PHAF1: variants seen among roughly 807,000 people sequenced by gnomAD.
The protein encoded by PHAF1 is phagophore assembly factor 1.
Under a neutral mutation model 63.1 loss-of-function variants are expected in PHAF1, and 23 were observed. The observed-to-expected ratio is 0.36, with a 90% CI of 0.26 to 0.52. The LOEUF (loss-of-function observed/expected upper bound fraction) is 0.52, where lower values mean the gene tolerates loss of function less well. Among genes scored for constraint, PHAF1 ranks in the 20% least tolerant of loss-of-function variants. The pLI is 0.93. For synonymous variants in PHAF1, 167 were observed against 185.0 expected (o/e 0.90, Z 0.79); for missense variants, 427 against 517.2 (o/e 0.83, Z 1.69).
At chr16:67,123,406 G>A (rs1232914883) in intron 2 of PHAF1, among the ~76,000 whole-genome samples, 2 of 150,698 alleles carry the variant, frequency 1.3e-5, no homozygotes, top group South Asian at 2.1e-4. Context: ...GTGAAACCCC[G>A]TCTTTACTAA....
At chr16:67,130,882 G>A (rs1328734902) in intron 3 of PHAF1, among the ~76,000 whole-genome samples, 3 of 152,178 alleles carry the variant, frequency 2.0e-5, no homozygotes, top group African/African-American at 7.2e-5. Context: ...CACTAGGAGA[G>A]GGAAGCTAAG....
intron 1 of PHAF1, among the ~76,000 whole-genome samples, chr16:67,119,101 C>G (rs1174678940): frequency 1.3e-5 from 2 of 152,040 alleles, no homozygotes; most frequent in African/African-American, 4.8e-5. Context: ...TAAAATTGTT[C>G]CTTATAAGTC....
At chr16:67,133,565 G>A (rs1207667473) in intron 6 of PHAF1, among the ~76,000 whole-genome samples, 4 of 151,478 alleles carry the variant, frequency 2.6e-5, no homozygotes, top group African/African-American at 9.7e-5. Flanking sequence ...CCAGCACTTT[G>A]GGAGGCCGAG....
At chr16:67,123,566 C>A (rs1206223786) in intron 2 of PHAF1, among the ~76,000 whole-genome samples, 1 of 152,030 alleles carries the variant, frequency 6.6e-6, no homozygotes, top group Non-Finnish European at 1.5e-5. Flanking sequence ...GAGTGAGACT[C>A]CATCTCAAAA....
chr16:67,113,426 T>A (rs181935325), intron 1 of PHAF1, among the ~76,000 whole-genome samples: 7 of 152,012 alleles, frequency 4.6e-5, no homozygotes, highest in Admixed American at 4.6e-4. Flanking sequence ...AGATTTGAAA[T>A]GTTTTGTTTT....
At chr16:67,110,382 A>T in intron 1 of PHAF1, 143 bp downstream of exon 1, 1 of 886,796 alleles carries the variant, frequency 1.1e-6, no homozygotes, top group Non-Finnish European at 1.7e-6. Flanking sequence ...GGCTCCAGGC[A>T]CTAGATACCC....
chr16:67,132,582 C>G (rs1206876634), intron 5 of PHAF1, 57 bp downstream of exon 5: 1 of 1,551,270 alleles, frequency 6.4e-7, no homozygotes, highest in Non-Finnish European at 8.9e-7. Context: ...AGCAATAAAC[C>G]TGCCCGGTAG....
intron 8 of PHAF1, among the ~76,000 whole-genome samples, chr16:67,136,554 C>CTTTTTTTTTTTTTTTTTTTTTTTTTTTT (rs34174571): frequency 8.3e-5 from 5 of 60,492 alleles, no homozygotes; most frequent in African/African-American, 1.9e-4. Context: ...GCATTGATTC[C>CTTTTTTTTTTTTTTTTTTTTTTTTTTTT]TTTTTTTTTT....
chr16:67,147,415 A>C lies in PHAF1; in HGVS notation c.*284A>C. On this transcript the variant is annotated 3_prime_UTR_variant, in exon 16 of 16. Coordinates refer to ENST00000219139, the MANE Select transcript of PHAF1 (RefSeq NM_025187.5). ...CTGGACCCAGGAGCTCTCAACTAAC[A>C]AGGAGGCAGGAGAGGTCAACCCTTG... is the stretch of plus-strand genomic sequence containing the variant. 1 of 442,692 alleles carries C rather than the reference A, an allele frequency of 2.3e-6. No individual in the cohort carries two copies. 27.4% of individuals were successfully genotyped at this position (442,692 alleles called of 1,614,324 possible).
In PHAF1 at chr16:67,120,209, AT is replaced by A; in HGVS notation, c.147+18del. 1 of 1,607,484 alleles carries A rather than the reference AT, an allele frequency of 6.2e-7. No homozygotes were observed. The highest frequency in any genetic ancestry group is 8.5e-7 in the Non-Finnish European group (1 of 1,174,902). On this transcript the variant is annotated intron_variant, in intron 2 of 15. Coordinates refer to ENST00000219139, the MANE Select transcript of PHAF1 (RefSeq NM_025187.5). The stretch of plus-strand genomic sequence containing the variant: ...ACAGTGAACAGGTGAGTGGTGGCTG[AT>A]TTGTTTATTGAAATAGCATCCCTCG...
At chr16:67,124,989 A>G (rs966358956) in intron 2 of PHAF1, among the ~76,000 whole-genome samples, 12 of 151,860 alleles carry the variant, frequency 7.9e-5, no homozygotes, top group African/African-American at 2.7e-4. Flanking sequence ...TCCTTCTACT[A>G]TTGGGCAGCC....
At position 67,140,015 on chromosome 16, in the gene PHAF1, G is replaced by A. The variant is rs768217427; in HGVS notation, c.693G>A (p.Lys231=). ...GACCTGGCCTATTAGCAGATGCCAA[G>A]ATGCGGGTATTTGAACGTTCAGTGT... ...GCGPGLLADA[K]MRVFERSVYF... The change falls in exon 9 of 16, where the codon AAG becomes AAA. Residue 231 remains lysine, a synonymous_variant. Coordinates refer to ENST00000219139, the MANE Select transcript of PHAF1 (RefSeq NM_025187.5). 2.5e-6 allele frequency: 4 copies of A among 1,614,024 alleles called. No individual in the cohort carries two copies. Among genetic ancestry groups the A allele is most frequent in the Non-Finnish European group, 3.4e-6 (4 of 1,180,026 alleles).
rs775224409 is a variant in PHAF1 at position 67,146,266 on chromosome 16, C to A, written c.1110-12C>A. 8 of 1,612,036 alleles carry A rather than the reference C, an allele frequency of 5.0e-6. No individual in the cohort carries two copies. Among genetic ancestry groups the A allele is most frequent in the East Asian group, 4.5e-5 (2 of 44,868 alleles). ...CTGTCTGCCTCTCTAATTCTGAATT[C>A]TTTGGCCTCAGGTCTTCCTCCCCAA... On this transcript the variant is annotated splice_polypyrimidine_tract_variant and intron_variant, in intron 14 of 15. Coordinates refer to ENST00000219139, the MANE Select transcript of PHAF1 (RefSeq NM_025187.5).
chr16:67,136,554 C>CTTTTTTTTTTTT (rs34174571), intron 8 of PHAF1, among the ~76,000 whole-genome samples: 2 of 60,448 alleles, frequency 3.3e-5, no homozygotes, highest in African/African-American at 1.9e-4. Context: ...GCATTGATTC[C>CTTTTTTTTTTTT]TTTTTTTTTT....
At chr16:67,132,194 C>G in intron 4 of PHAF1, 1 of 380,400 alleles carries the variant, frequency 2.6e-6, no homozygotes, top group South Asian at 4.5e-5. Context: ...CTCTTCTCTA[C>G]CCTTTTCTTA....
Position 67,130,298 on chromosome 16 carries a change from C to T in PHAF1, c.232-988C>T, listed in dbSNP as rs1201944609. ...TCCTGACCTTGTGATCCGCCCGCCT[C>T]GGCCTCCCAAAGTGCTGGGATTATA... On this transcript the variant is annotated intron_variant, in intron 3 of 15. Transcript: ENST00000219139. Among the ~76,000 whole-genome samples the T allele has an allele frequency of 5.3e-5, 8 of 150,940 alleles. No homozygotes were observed. The South Asian group carries it at 1.5e-3, about 28-fold the overall frequency.
At chr16:67,120,479 T>C (rs1962927331) in intron 2 of PHAF1, among the ~76,000 whole-genome samples, 1 of 151,942 alleles carries the variant, frequency 6.6e-6, no homozygotes, top group Non-Finnish European at 1.5e-5. Flanking sequence ...GGTAGGTCGC[T>C]TCAGAGGCTG....
chr16:67,148,169 G>GT lies in PHAF1; in HGVS notation c.*1043dup, dbSNP rs1318843615. 2 of 152,664 alleles carry GT rather than the reference G, an allele frequency of 1.3e-5. No homozygotes were observed. The highest frequency in any genetic ancestry group is 4.8e-5 in the African/African-American group (2 of 41,446). 9.5% of individuals were successfully genotyped at this position (152,664 alleles called of 1,614,324 possible). The stretch of plus-strand genomic sequence containing the variant: ...TGATACATAGATGACAATTTTGTGA[G>GT]TTTTTCAAATGTGTGTACAGATTTT... On this transcript the variant is annotated 3_prime_UTR_variant, in exon 16 of 16. Transcript: ENST00000219139.
Position 67,147,071 on chromosome 16 carries a change from G to C in PHAF1, c.1209G>C (p.Ser403=). Residue 403 remains serine (S), a synonymous_variant, in exon 16 of 16, where the codon TCG becomes TCC. Coordinates refer to ENST00000219139, the MANE Select transcript of PHAF1 (RefSeq NM_025187.5). Reference sequence around the variant, plus strand: ...TCATGCAGAACAACCACATTGCCTCGGTGACCCTGTATGGCCCCCCCAGGC... The same window carrying C: ...TCATGCAGAACAACCACATTGCCTCCGTGACCCTGTATGGCCCCCCCAGGC... ...FEVMQNNHIA[S]VTLYGPPRPG... 6.2e-7 allele frequency: 1 copy of C among 1,613,850 alleles called. No homozygotes were observed. Among genetic ancestry groups the C allele is most frequent in the Non-Finnish European group, 8.5e-7 (1 of 1,179,930 alleles).
Sources: allele counts gnomAD v4.1 joint callset (sites outside exome capture counted in the v4.1 genomes callset), GRCh38; gene constraint gnomAD v4.1.1; transcripts MANE v1.5; gene names NCBI Gene and HGNC (gene_info 2026-07-23, HGNC 2026-07-21).